DNAAF4: variants seen among roughly 807,000 people sequenced by gnomAD.
The protein encoded by DNAAF4 is dynein axonemal assembly factor 4.
A neutral mutation model predicts 51.8 loss-of-function variants in DNAAF4; 43 were observed. The observed-to-expected ratio is 0.83, with a 90% confidence interval of 0.65 to 1.07. The LOEUF is 1.07. DNAAF4 is among the 50% of genes least tolerant of loss of function. The pLI is 0.00. For missense variants in DNAAF4, 581 were observed against 493.0 expected, an observed-to-expected ratio of 1.18 and a Z score of -1.69; for synonymous variants, 194 against 165.6, an observed-to-expected ratio of 1.17 and a Z score of -1.32.
At chr15:55,438,037 C>G (rs1247440678) in intron 7 of DNAAF4, among the ~76,000 whole-genome samples, 1 of 152,148 alleles carries the variant, frequency 6.6e-6, no homozygotes, top group Admixed American at 6.5e-5. Flanking sequence ...CAAATTGCCA[C>G]TCAGAATATG....
intron 5 of DNAAF4, among the ~76,000 whole-genome samples, chr15:55,463,212 A>ACACACACAC (rs55837637): frequency 6.6e-6 from 1 of 151,296 alleles, no homozygotes; most frequent in African/African-American, 2.4e-5. Context: ...ACACACACAC[A>ACACACACAC]AAGCATTTGA....
intron 4 of DNAAF4, among the ~76,000 whole-genome samples, chr15:55,486,027 A>G (rs1038794796): frequency 4.4e-4 from 66 of 149,240 alleles, no homozygotes; most frequent in Non-Finnish European, 7.8e-4. Flanking sequence ...AGGCAGTAGC[A>G]GCCAAGATTA....
At position 55,449,148 on chromosome 15, in the gene DNAAF4, C is replaced by G. The variant is rs1043587027; in HGVS notation, c.783+1074G>C. 4.0e-5 allele frequency among the ~76,000 whole-genome samples: 6 copies of G among 150,340 alleles called. 1 individual carries two copies. The highest frequency in any genetic ancestry group is 2.0e-4 in the Admixed American group (3 of 15,084). ...GGGATTACAGGTGCCTGCCACCACA[C>G]TGGACTAATTTTTGTATTTTTAATA... On this transcript the variant is annotated intron_variant, in intron 6 of 9. Coordinates refer to ENST00000321149, the MANE Select transcript of DNAAF4 (RefSeq NM_130810.4).
chr15:55,490,929 G>C, intron 4 of DNAAF4, 194 bp downstream of exon 4: 1 of 527,516 alleles, frequency 1.9e-6, no homozygotes, highest in Non-Finnish European at 3.1e-6. Flanking sequence ...ACTCCAGCCT[G>C]GGCGACAGAG....
chr15:55,477,981 C>G (rs576661341), intron 4 of DNAAF4, among the ~76,000 whole-genome samples: 1 of 152,246 alleles, frequency 6.6e-6, no homozygotes, highest in South Asian at 2.1e-4. Context: ...GACTGACTGC[C>G]CCAGCTCCCA....
intron 3 of DNAAF4, among the ~76,000 whole-genome samples, chr15:55,493,171 C>T (rs528966293): frequency 3.0e-4 from 45 of 152,242 alleles, no homozygotes; most frequent in African/African-American, 1.0e-3. Flanking sequence ...TCACCGCATA[C>T]CAAACCTGCC....
chr15:55,490,183 AT>A (rs2058551673), intron 4 of DNAAF4, among the ~76,000 whole-genome samples: 1 of 152,012 alleles, frequency 6.6e-6, no homozygotes, highest in Admixed American at 6.6e-5. Flanking sequence ...TGAGATAAGA[AT>A]TTTTTTGTAA....
intron 4 of DNAAF4, among the ~76,000 whole-genome samples, chr15:55,488,421 T>G (rs2058522983): frequency 6.6e-6 from 1 of 152,244 alleles, no homozygotes; most frequent in Admixed American, 6.5e-5. Context: ...TTTGTTACTA[T>G]TTGCTCTTAC....
At chr15:55,425,151 C>T (rs1334429523) in intron 7 of DNAAF4, among the ~76,000 whole-genome samples, 2 of 152,236 alleles carry the variant, frequency 1.3e-5, no homozygotes, top group African/African-American at 4.8e-5. Flanking sequence ...AGGCGTGAGC[C>T]ATCACGCTCA....
chr15:55,500,903 A>T (rs557671057), intron 1 of DNAAF4, among the ~76,000 whole-genome samples: 1 of 149,486 alleles, frequency 6.7e-6, no homozygotes, highest in Non-Finnish European at 1.5e-5. Flanking sequence ...GAGGCAGGAG[A>T]ATTGCTTGAA....
chr15:55,473,967 G>C (rs982861361), intron 4 of DNAAF4, among the ~76,000 whole-genome samples: 1 of 151,966 alleles, frequency 6.6e-6, no homozygotes, highest in African/African-American at 2.4e-5. Flanking sequence ...ACTCCAGCCT[G>C]GGTCACAGAG....
chr15:55,491,352 T>TGAAG, intron 3 of DNAAF4, 96 bp from the exon 4 acceptor site: 14 of 1,256,716 alleles, frequency 1.1e-5, no homozygotes, highest in Non-Finnish European at 1.5e-5. Context: ...ATGAGATTTC[T>TGAAG]TTGTACCCAA....
chr15:55,448,500 C>CAAAA (rs1172391709), intron 6 of DNAAF4, among the ~76,000 whole-genome samples: 23 of 61,698 alleles, frequency 3.7e-4, no homozygotes, highest in South Asian at 2.0e-3. Context: ...ACCCCCAACT[C>CAAAA]AAAAAAAAAA....
intron 4 of DNAAF4, among the ~76,000 whole-genome samples, chr15:55,475,591 C>A (rs936407374): frequency 2.0e-5 from 3 of 152,196 alleles, no homozygotes; most frequent in African/African-American, 7.2e-5. Context: ...AGCATCCTTA[C>A]TCCAAAAATC....
At chr15:55,442,488 T>C (rs776249027) in intron 6 of DNAAF4, 19 of 707,156 alleles carry the variant, frequency 2.7e-5, no homozygotes, top group Non-Finnish European at 4.8e-5. Flanking sequence ...AACTGAATCC[T>C]CCTTGTATTC....
At chr15:55,430,848 A>AAACAACTATT in intron 9 of DNAAF4, 69 bp from the exon 10 acceptor site, 1 of 1,256,556 alleles carries the variant, frequency 8.0e-7, no homozygotes, top group Non-Finnish European at 1.1e-6. Flanking sequence ...TCTAGACAAT[A>AAACAACTATT]GTTGTTTAAA....
chr15:55,435,144 G>T, intron 7 of DNAAF4, 86 bp from the exon 8 acceptor site: 1 of 1,417,884 alleles, frequency 7.1e-7, no homozygotes, highest in East Asian at 2.3e-5. Context: ...TGACAAAGAG[G>T]ATGGCTTACC....
chr15:55,506,461 A>C (rs1194243613), intron 1 of DNAAF4, among the ~76,000 whole-genome samples: 1 of 152,142 alleles, frequency 6.6e-6, no homozygotes, highest in Non-Finnish European at 1.5e-5. Flanking sequence ...TGCTCTGTGC[A>C]TTTTAAGATG....
In DNAAF4 at chr15:55,444,953, C is replaced by T. The variant is rs528087254; in HGVS notation, c.783+5269G>A. 7.4e-4 allele frequency among the ~76,000 whole-genome samples: 111 copies of T among 150,428 alleles called. 2 individuals carry two copies. Among genetic ancestry groups the T allele is most frequent in the African/African-American group, 2.6e-3 (105 of 40,908 alleles). On this transcript the variant is annotated intron_variant, in intron 6 of 9. Coordinates refer to ENST00000321149, the MANE Select transcript of DNAAF4 (RefSeq NM_130810.4). ...AGCTTAAGGAGATTTTGGGCTGAGA[C>T]GATGGGGTTTTCTAAATATACAATC...
Sources: allele counts gnomAD v4.1 joint callset (sites outside exome capture counted in the v4.1 genomes callset), GRCh38; gene constraint gnomAD v4.1.1; transcripts MANE v1.5; gene names NCBI Gene and HGNC (gene_info 2026-07-23, HGNC 2026-07-21).